Variants in FAS observed in about 807,000 individuals in gnomAD.
FAS encodes Fas cell surface death receptor, also known as tumor necrosis factor receptor superfamily member 6.
In FAS, 5 loss-of-function variants were observed where a neutral mutation model predicts 33.2. That is an observed-to-expected ratio of 0.15 (90% CI 0.08 to 0.32). The LOEUF (loss-of-function observed/expected upper bound fraction) is 0.32, where lower values mean the gene tolerates loss of function less well. Among genes scored for constraint, FAS ranks in the 10% least tolerant of loss-of-function variants. FAS has a pLI of 1.00. For missense variants in FAS, 339 were observed against 386.0 expected (o/e 0.88, Z 1.02); for synonymous variants, 131 against 130.7 (o/e 1.00, Z -0.01).
At chr10:88,994,260 G>A (rs1325112424) in intron 1 of FAS, among the ~76,000 whole-genome samples, 1 of 152,158 alleles carries the variant, frequency 6.6e-6, no homozygotes, top group Non-Finnish European at 1.5e-5. Context: ...GAGAATAACT[G>A]TTTCTTAAGA....
At chr10:88,966,665 G>C (rs990595055) in intron 1 of FAS, among the ~76,000 whole-genome samples, 2 of 152,180 alleles carry the variant, frequency 1.3e-5, no homozygotes, top group African/African-American at 4.8e-5. Flanking sequence ...TCTACTGGCT[G>C]TCTGTGTTTG....
At chr10:88,985,821 A>C (rs974127915), upstream of FAS, among the ~76,000 whole-genome samples, 1 of 152,194 alleles carries the variant, frequency 6.6e-6, no homozygotes, top group Non-Finnish European at 1.5e-5. Context: ...GGGGGCAGGG[A>C]GGAAGTCTAA....
chr10:89,004,133 T>C (rs1254816500), intron 2 of FAS, among the ~76,000 whole-genome samples: 2 of 152,190 alleles, frequency 1.3e-5, no homozygotes, highest in South Asian at 2.1e-4. Flanking sequence ...CTAAACACAA[T>C]CAATTTGCTC....
In FAS at chr10:89,003,075, A is replaced by G. The variant is rs2133470846; in HGVS notation, c.77A>G (p.Gln26Arg). 6.2e-7 allele frequency: 1 copy of G among 1,614,172 alleles called. No individual in the cohort carries two copies. The highest frequency in any genetic ancestry group is 1.7e-5 in the Admixed American group (1 of 60,028). The change falls in exon 2 of 9, where the codon CAA becomes CGA. Residue 26 changes from glutamine (Q) to arginine (R), a missense_variant. Gln to Arg is a conservative substitution (Grantham distance 43). Around this residue, in one of 3 missense-constraint regions of FAS, gnomAD observed 276 missense variants for 300.1 expected, o/e 0.92. Transcript: ENST00000652046. The part of the protein sequence containing the change: ...ARLSSKSVNA[Q>R]VTDINSKGLE... ...TTATCGTCCAAAAGTGTTAATGCCCAAGTGACTGACATCAACTCCAAGGGA... is the reference window on the plus strand; with the variant it reads ...TTATCGTCCAAAAGTGTTAATGCCCGAGTGACTGACATCAACTCCAAGGGA...
intron 1 of FAS, among the ~76,000 whole-genome samples, chr10:88,997,192 C>A (rs977768201): frequency 2.0e-5 from 3 of 152,188 alleles, no homozygotes; most frequent in African/African-American, 4.8e-5. Context: ...TCAAAATCAC[C>A]AAGGGTACTT....
At chr10:88,992,171 G>C (rs911473636) in intron 1 of FAS, among the ~76,000 whole-genome samples, 1 of 152,126 alleles carries the variant, frequency 6.6e-6, no homozygotes, top group Non-Finnish European at 1.5e-5. Context: ...CTGATATCCA[G>C]ATTACACCAA....
chr10:89,001,007 G>C (rs1241998980), intron 1 of FAS, among the ~76,000 whole-genome samples: 1 of 152,212 alleles, frequency 6.6e-6, no homozygotes, highest in Non-Finnish European at 1.5e-5. Flanking sequence ...GATCTAGATT[G>C]TGCCACTGTG....
intron 2 of FAS, among the ~76,000 whole-genome samples, chr10:88,975,742 G>T (rs1036963623): frequency 1.3e-5 from 2 of 152,104 alleles, no homozygotes; most frequent in Non-Finnish European, 2.9e-5. Context: ...TTAAAGAAAG[G>T]CCACAAACCA....
upstream of FAS, chr10:88,990,673 G>A (rs1032283712): frequency 8.5e-6 from 6 of 704,182 alleles, no homozygotes; most frequent in Admixed American, 2.0e-5. The surrounding 1 kb of genome is among the most constrained non-coding windows in gnomAD (Gnocchi z 4.9). Flanking sequence ...GTGACACACA[G>A]GTGTTCAAAG....
intron 1 of FAS, among the ~76,000 whole-genome samples, chr10:89,001,335 G>T (rs1352233516): frequency 6.6e-6 from 1 of 151,540 alleles, no homozygotes; most frequent in African/African-American, 2.4e-5. Flanking sequence ...AAAACAGGGG[G>T]TAAGAAGGTA....
chr10:89,006,390 T>G (rs1848230585), intron 2 of FAS, among the ~76,000 whole-genome samples: 1 of 152,240 alleles, frequency 6.6e-6, no homozygotes, highest in Non-Finnish European at 1.5e-5. Context: ...TTACATGTCA[T>G]AATTTGCTCA....
intron 2 of FAS, among the ~76,000 whole-genome samples, chr10:89,004,360 T>A (rs1175208104): frequency 1.3e-5 from 2 of 152,224 alleles, no homozygotes; most frequent in East Asian, 1.9e-4. Context: ...AAATTTTTTT[T>A]AACTTTTTTT....
chr10:88,984,403 A>G (rs938588048), upstream of FAS, among the ~76,000 whole-genome samples: 2 of 152,166 alleles, frequency 1.3e-5, no homozygotes, highest in Non-Finnish European at 2.9e-5. Context: ...GTGAGTAGGA[A>G]TGGATTACAC....
chr10:89,004,112 A>T (rs1048044537), intron 2 of FAS, among the ~76,000 whole-genome samples: 1 of 152,210 alleles, frequency 6.6e-6, no homozygotes, highest in Non-Finnish European at 1.5e-5. Flanking sequence ...TCCTGGCTTT[A>T]TTATAACCTG....
rs1191900208 is a variant in FAS at position 89,016,177 on chromosome 10, T to A, written c.*1727T>A. ...CTTTTCTGCAATTTAATGCTAGTAA[T>A]ATATTCTATTTAACCCATGAGTCCC... On this transcript the variant is annotated 3_prime_UTR_variant, in exon 9 of 9. Transcript: ENST00000652046. 2 of 218,186 alleles carry A rather than the reference T, an allele frequency of 9.2e-6. No individual in the cohort carries two copies. Among genetic ancestry groups the A allele is most frequent in the Non-Finnish European group, 9.2e-6 (1 of 108,676 alleles). 13.5% of individuals were successfully genotyped at this position (218,186 alleles called of 1,614,324 possible). A position where few individuals can be genotyped will look rare whatever the true frequency, so the allele number is the denominator to read the frequency against.
At chr10:89,000,463 C>T (rs113761804) in intron 1 of FAS, among the ~76,000 whole-genome samples, 2 of 152,128 alleles carry the variant, frequency 1.3e-5, no homozygotes, top group South Asian at 4.1e-4. Context: ...AACACATATG[C>T]ATTATCAAGA....
At chr10:88,970,171 G>C (rs1158131894) in intron 1 of FAS, among the ~76,000 whole-genome samples, 2 of 152,020 alleles carry the variant, frequency 1.3e-5, no homozygotes, top group Non-Finnish European at 2.9e-5. Flanking sequence ...ACTGTACTTG[G>C]ATCAAGGCAC....
upstream of FAS, among the ~76,000 whole-genome samples, chr10:88,988,443 TATC>T (rs1564666946): frequency 1.2e-4 from 17 of 142,366 alleles, no homozygotes; most frequent in East Asian, 4.1e-4. Flanking sequence ...TTTTGTTTTT[TATC>T]TTAACTCTTC....
intron 2 of FAS, among the ~76,000 whole-genome samples, chr10:89,004,918 T>G (rs1263504131): frequency 6.6e-6 from 1 of 152,192 alleles, no homozygotes; most frequent in Non-Finnish European, 1.5e-5. Flanking sequence ...TGCTCATTAG[T>G]GTTGTGATAT....
Sources: gnomAD v4.1 joint callset for allele counts (sites outside exome capture counted in the v4.1 genomes callset) on GRCh38, gnomAD v4.1.1 for gene constraint, gnomAD v4.1.1 regional missense constraint, Gnocchi (gnomAD v3.1) non-coding constraint, MANE v1.5 for transcripts, NCBI Gene and HGNC (gene_info 2026-07-23, HGNC 2026-07-21) for gene names.